Variants in KIRREL3 observed in about 807,000 individuals in gnomAD.
KIRREL3 encodes the protein kirre like nephrin family adhesion molecule 3.
A neutral mutation model predicts 89.7 loss-of-function variants in KIRREL3; 36 were observed. The observed-to-expected ratio is 0.40, with a 90% CI of 0.31 to 0.53. The LOEUF (loss-of-function observed/expected upper bound fraction) is 0.53, where lower values mean the gene tolerates loss of function less well. Among genes scored for constraint, KIRREL3 ranks in the 20% least tolerant of loss-of-function variants. KIRREL3 has a pLI of 0.49. For synonymous variants in KIRREL3, 445 were observed against 441.4 expected (o/e 1.01, Z -0.10); for missense variants, 864 against 1,056.6 (o/e 0.82, Z 2.53).
chr11:126,923,610 A>AT (rs1456466111), intron 1 of KIRREL3, among the ~76,000 whole-genome samples: 3 of 151,486 alleles, frequency 2.0e-5, no homozygotes, highest in Non-Finnish European at 4.4e-5. Context: ...CGCTCAGCTA[A>AT]TTTTTTGTAT....
intron 1 of KIRREL3, among the ~76,000 whole-genome samples, chr11:126,663,318 TG>T (rs1369945272): frequency 6.6e-6 from 1 of 151,352 alleles, no homozygotes; most frequent in African/African-American, 2.4e-5. Flanking sequence ...CCTGAGTAGC[TG>T]GGACTACAGG....
chr11:126,552,550 G>GTTT (rs59392843), intron 2 of KIRREL3, among the ~76,000 whole-genome samples: 5,521 of 81,288 alleles, frequency 0.068, 1,307 homozygotes, highest in Non-Finnish European at 0.097. Flanking sequence ...AGAGAGAAAA[G>GTTT]TTTTTTTTTT....
rs1214342101 is a variant in KIRREL3 at position 126,607,123 on chromosome 11, G to A, written c.56-44211C>T. On this transcript the variant is annotated intron_variant, in intron 1 of 16. Coordinates refer to ENST00000525144, the MANE Select transcript of KIRREL3 (RefSeq NM_032531.4). The surrounding 1 kb of genome is among the most constrained non-coding windows in gnomAD (Gnocchi z 6.6). ...TGTCGTGGGGCTTATGAGTAGCTAGGGCCTCCCAGGAGGTCGTCAGAGTGG... is the reference window on the plus strand; with the variant it reads ...TGTCGTGGGGCTTATGAGTAGCTAGAGCCTCCCAGGAGGTCGTCAGAGTGG... Among the ~76,000 whole-genome samples, 1 of 152,154 alleles carries A rather than the reference G, an allele frequency of 6.6e-6. No individual in the cohort carries two copies. Among genetic ancestry groups the A allele is most frequent in the Non-Finnish European group, 1.5e-5 (1 of 68,022 alleles).
At chr11:126,660,755 T>C (rs1309772659) in intron 1 of KIRREL3, among the ~76,000 whole-genome samples, 2 of 152,202 alleles carry the variant, frequency 1.3e-5, no homozygotes, top group Non-Finnish European at 2.9e-5. Context: ...GAACATGCAC[T>C]GACTCTGAGA....
In KIRREL3 at chr11:126,946,634, A is replaced by G. The variant is rs1416835979; in HGVS notation, c.55+53821T>C. ...GCTCATAAAATATGTCCCAATATCC[A>G]TAACAGGAAGGACATTACTTCATAA... On this transcript the variant is annotated intron_variant, in intron 1 of 16. Coordinates refer to ENST00000525144, the MANE Select transcript of KIRREL3 (RefSeq NM_032531.4). This position sits in a 1 kb window ranked among gnomAD's most constrained non-coding sequence, Gnocchi z 4.1. 6.6e-5 allele frequency among the ~76,000 whole-genome samples: 10 copies of G among 152,232 alleles called. No individual in the cohort carries two copies. The highest frequency in any genetic ancestry group is 2.2e-4 in the African/African-American group (9 of 41,464).
In KIRREL3 at chr11:126,697,343, T is replaced by G. The variant is rs1481533482; in HGVS notation, c.56-134431A>C. Reference sequence around the variant, plus strand: ...CGGCTCACTGCACAGGGTGGGCACTTAGTCCCTGACTTGGACAAGCCACTC... The same window carrying G: ...CGGCTCACTGCACAGGGTGGGCACTGAGTCCCTGACTTGGACAAGCCACTC... On this transcript the variant is annotated intron_variant, in intron 1 of 16. Coordinates refer to ENST00000525144, the MANE Select transcript of KIRREL3 (RefSeq NM_032531.4). This position sits in a 1 kb window ranked among gnomAD's most constrained non-coding sequence, Gnocchi z 4.2. 6.6e-6 allele frequency among the ~76,000 whole-genome samples: 1 copy of G among 152,222 alleles called. No individual in the cohort carries two copies.
rs1269117740 is a variant in KIRREL3, at chr11:126,761,583, C to T, written c.56-198671G>A. Among the ~76,000 whole-genome samples the T allele has an allele frequency of 6.6e-6, 1 of 152,202 alleles. No homozygotes were observed. Among genetic ancestry groups the T allele is most frequent in the Non-Finnish European group, 1.5e-5 (1 of 68,036 alleles). On this transcript the variant is annotated intron_variant, in intron 1 of 16. Coordinates refer to ENST00000525144, the MANE Select transcript of KIRREL3 (RefSeq NM_032531.4). The surrounding 1 kb of genome is among the most constrained non-coding windows in gnomAD (Gnocchi z 4.4). Reference sequence around the variant, plus strand: ...GAGGATTTGGAAGCTAAATGCATGCCTAACTCAAAGGACAGATTATATGGT... The same window carrying T: ...GAGGATTTGGAAGCTAAATGCATGCTTAACTCAAAGGACAGATTATATGGT...
At chr11:126,487,075 C>T (rs781589162) in intron 4 of KIRREL3, among the ~76,000 whole-genome samples, 16 of 152,026 alleles carry the variant, frequency 1.1e-4, no homozygotes, top group African/African-American at 1.7e-4. Flanking sequence ...AATGGAGGGG[C>T]GCAGGAAGAT....
intron 1 of KIRREL3, among the ~76,000 whole-genome samples, chr11:126,967,423 C>G (rs589211): frequency 0.92 from 139,365 of 152,150 alleles, 64,001 homozygotes; most frequent in African/African-American, 0.98. Context: ...GATCTGCCTT[C>G]TGGCCTCCAA....
intron 7 of KIRREL3, among the ~76,000 whole-genome samples, chr11:126,451,310 GCA>G (rs1956127670): frequency 8.1e-6 from 1 of 123,314 alleles, no homozygotes; most frequent in African/African-American, 3.3e-5. Flanking sequence ...GCATGTGTGT[GCA>G]TGTGGTTGTG....
At position 126,990,701 on chromosome 11, in the gene KIRREL3, AG is replaced by A. The variant is rs1950012203; in HGVS notation, c.55+9753del. The stretch of plus-strand genomic sequence containing the variant: ...AGGTGCAGCTTCCTATGTAAGAAAA[AG>A]GCTTCAGAGGGCATCTCCCTGAAGA... On this transcript the variant is annotated intron_variant, in intron 1 of 16. Coordinates refer to ENST00000525144, the MANE Select transcript of KIRREL3 (RefSeq NM_032531.4). This position sits in a 1 kb window ranked among gnomAD's most constrained non-coding sequence, Gnocchi z 6.3. Among the ~76,000 whole-genome samples, 1 of 152,178 alleles carries A rather than the reference AG, an allele frequency of 6.6e-6. No individual in the cohort carries two copies. The highest frequency in any genetic ancestry group is 2.4e-5 in the African/African-American group (1 of 41,442).
chr11:126,760,610 A>G (rs555318629), intron 1 of KIRREL3, among the ~76,000 whole-genome samples: 1 of 152,340 alleles, frequency 6.6e-6, no homozygotes, highest in African/African-American at 2.4e-5. Flanking sequence ...ACAGAGCAGG[A>G]CATGGGTAAG....
At chr11:126,460,822 C>G (rs1425302863) in intron 6 of KIRREL3, among the ~76,000 whole-genome samples, 3 of 152,216 alleles carry the variant, frequency 2.0e-5, no homozygotes, top group Admixed American at 1.3e-4. Context: ...ACTGCTTCTT[C>G]CCACCTCTCC....
intron 1 of KIRREL3, among the ~76,000 whole-genome samples, chr11:126,868,575 T>C (rs1014590770): frequency 1.4e-4 from 22 of 152,176 alleles, no homozygotes; most frequent in African/African-American, 5.1e-4. Context: ...GCTTGCTCAG[T>C]CTTTCTTACA....
Position 126,796,524 on chromosome 11 carries a change from A to G in KIRREL3, c.55+203931T>C, listed in dbSNP as rs4935994. Among the ~76,000 whole-genome samples the G allele has an allele frequency of 0.62, 94,789 of 152,010 alleles. 31,139 individuals carry two copies. Among genetic ancestry groups the G allele is most frequent in the African/African-American group, 0.83 (34,451 of 41,478 alleles). ...GAAAAGCCTCCAGTATCTGCTGCTG[A>G]CATCTGAAATTCCCCTCCTTCCTCA... is the stretch of plus-strand genomic sequence containing the variant. On this transcript the variant is annotated intron_variant, in intron 1 of 16. Coordinates refer to ENST00000525144, the MANE Select transcript of KIRREL3 (RefSeq NM_032531.4). The surrounding 1 kb of genome is among the most constrained non-coding windows in gnomAD (Gnocchi z 5.1).
rs1276564825 is a variant in KIRREL3 at position 126,544,814 on chromosome 11, T to G, written c.133+18021A>C. On this transcript the variant is annotated intron_variant, in intron 2 of 16. Coordinates refer to ENST00000525144, the MANE Select transcript of KIRREL3 (RefSeq NM_032531.4). This position sits in a 1 kb window ranked among gnomAD's most constrained non-coding sequence, Gnocchi z 5.6. ...TGGGAAGCAGCCATTCCTGGACACT[T>G]GGCCGACATTCCTGGCCTTAATCTG... Among the ~76,000 whole-genome samples the G allele has an allele frequency of 6.6e-6, 1 of 152,162 alleles. No homozygotes were observed.
chr11:126,899,706 G>A (rs1177520209), intron 1 of KIRREL3, among the ~76,000 whole-genome samples: 2 of 152,226 alleles, frequency 1.3e-5, no homozygotes, highest in African/African-American at 4.8e-5. Flanking sequence ...GGGCTGAGCA[G>A]GAAGGTTGAT....
intron 1 of KIRREL3, chr11:126,936,460 A>G (rs1351236290): frequency 2.6e-5 from 4 of 152,154 alleles, no homozygotes; most frequent in African/African-American, 4.8e-5. Flanking sequence ...AGCATTATTC[A>G]TAACAGCAAC....
Position 126,463,709 on chromosome 11 carries a change from T to C in KIRREL3, c.592-402A>G, listed in dbSNP as rs985891298. ...GGCTCTGTAGGAAGCAACGAGATGG[T>C]TTGCAACCAGCAGGGACTGTGGCCC... is the stretch of plus-strand genomic sequence containing the variant. On this transcript the variant is annotated intron_variant, in intron 5 of 16. Transcript: ENST00000525144. This position sits in a 1 kb window ranked among gnomAD's most constrained non-coding sequence, Gnocchi z 5.9. Among the ~76,000 whole-genome samples the C allele has an allele frequency of 6.6e-6, 1 of 152,062 alleles. No individual in the cohort carries two copies. The highest frequency in any genetic ancestry group is 1.5e-5 in the Non-Finnish European group (1 of 68,008).
Sources: allele counts gnomAD v4.1 joint callset (sites outside exome capture counted in the v4.1 genomes callset), GRCh38; gene constraint gnomAD v4.1.1; non-coding constraint Gnocchi (gnomAD v3.1); transcripts MANE v1.5; gene names NCBI Gene and HGNC (gene_info 2026-07-23, HGNC 2026-07-21).